The following VPS41 variants were observed in gnomAD, a reference collection of about 807,000 sequenced individuals.
The protein encoded by VPS41 is VPS41 subunit of HOPS complex.
Under a neutral mutation model 130.9 loss-of-function variants are expected in VPS41, and 85 were observed. The observed-to-expected ratio is 0.65, with a 90% CI of 0.55 to 0.78. The LOEUF is 0.78. Among genes scored for constraint, VPS41 ranks in the 30% least tolerant of loss-of-function variants. The pLI is 0.00. For synonymous variants in VPS41, 335 were observed against 332.9 expected, an observed-to-expected ratio of 1.01 and a Z score of -0.07; for missense variants, 874 against 1,018.7, an observed-to-expected ratio of 0.86 and a Z score of 1.93.
chr7:38,808,118 G>A (rs890421783), intron 7 of VPS41, among the ~76,000 whole-genome samples: 3 of 152,134 alleles, frequency 2.0e-5, no homozygotes, highest in Non-Finnish European at 2.9e-5. Flanking sequence ...GGAAAATGAA[G>A]TTGCTATGGA....
At chr7:38,832,211 T>A (rs1785399671) in intron 4 of VPS41, among the ~76,000 whole-genome samples, 1 of 152,022 alleles carries the variant, frequency 6.6e-6, no homozygotes, top group South Asian at 2.1e-4. Flanking sequence ...GTATGAGGTA[T>A]ATTTATCCAG....
intron 3 of VPS41, among the ~76,000 whole-genome samples, chr7:38,866,126 T>C (rs867073055): frequency 6.6e-6 from 1 of 151,816 alleles, no homozygotes; most frequent in Non-Finnish European, 1.5e-5. Context: ...GTGTTGTGAA[T>C]AGAAACAGCC....
intron 4 of VPS41, among the ~76,000 whole-genome samples, chr7:38,849,955 A>G (rs1785814972): frequency 6.6e-6 from 1 of 152,122 alleles, no homozygotes; most frequent in African/African-American, 2.4e-5. Flanking sequence ...AGCAAAATAC[A>G]ATTTTCCCTT....
intron 27 of VPS41, 84 bp from the exon 28 acceptor site, chr7:38,727,072 G>A (rs1795559831): frequency 2.3e-6 from 3 of 1,297,130 alleles, no homozygotes; most frequent in Non-Finnish European, 3.0e-6. Context: ...AAGTCGAGTT[G>A]CAGTTTAATT....
At chr7:38,896,201 A>G (rs1397865446) in intron 2 of VPS41, among the ~76,000 whole-genome samples, 1 of 152,224 alleles carries the variant, frequency 6.6e-6, no homozygotes, top group Non-Finnish European at 1.5e-5. Flanking sequence ...AAATTCCTCA[A>G]CAGAGTTCCA....
Position 38,869,250 on chromosome 7 carries a change from C to T in VPS41, c.64G>A (p.Glu22Lys). Residue 22 changes from glutamate (E) to lysine (K), a missense_variant, in exon 3 of 29, where the codon GAA becomes AAA. Physicochemically the swap from Glu to Lys is moderately conservative, Grantham distance 56 (BLOSUM62 1). Transcript: ENST00000310301. The part of the protein sequence containing the change: ...LEESTDESEE[E>K]ESEEEPKLKY... ...AGCTTGGGTTCCTCTTCGCTCTCTTCTTCCTGCACAAACGGCAAAGAAAAA... is the reference window on the plus strand; with the variant it reads ...AGCTTGGGTTCCTCTTCGCTCTCTTTTTCCTGCACAAACGGCAAAGAAAAA... 1 of 1,603,636 alleles carries T rather than the reference C, an allele frequency of 6.2e-7. No homozygotes were observed. The highest frequency in any genetic ancestry group is 8.5e-7 in the Non-Finnish European group (1 of 1,175,322).
intron 4 of VPS41, among the ~76,000 whole-genome samples, chr7:38,861,094 T>C (rs1786101270): frequency 6.6e-6 from 1 of 152,148 alleles, no homozygotes. Context: ...ATGTAGGATA[T>C]ACTCGACATA....
At chr7:38,892,346 G>C (rs1403117571) in intron 2 of VPS41, among the ~76,000 whole-genome samples, 2 of 152,140 alleles carry the variant, frequency 1.3e-5, no homozygotes, top group Non-Finnish European at 2.9e-5. Context: ...CTTGAAGTCT[G>C]TGTTTTTATC....
chr7:38,748,949 G>A (rs867373331), intron 22 of VPS41, among the ~76,000 whole-genome samples: 1 of 151,952 alleles, frequency 6.6e-6, no homozygotes, highest in Non-Finnish European at 1.5e-5. Context: ...CACTTTTGTA[G>A]AGATTAAATA....
At chr7:38,821,609 T>C (rs764275311) in intron 5 of VPS41, among the ~76,000 whole-genome samples, 6 of 146,456 alleles carry the variant, frequency 4.1e-5, no homozygotes, top group Non-Finnish European at 8.9e-5. Context: ...CTCAGGAGGA[T>C]GATAGGAGAA....
rs545334674 is a variant in VPS41 at position 38,890,966 on chromosome 7, C to T, written c.60+7125G>A. Among the ~76,000 whole-genome samples, 4 of 152,166 alleles carry T rather than the reference C, an allele frequency of 2.6e-5. No individual in the cohort carries two copies. In the South Asian group the frequency reaches 6.2e-4, roughly 24 times the overall value. ...CTCCCACCTCTGTGTTATTTCTTAA[C>T]TACATGTGAATATACGGTTATTTCA... On this transcript the variant is annotated intron_variant, in intron 2 of 28. Coordinates refer to ENST00000310301, the MANE Select transcript of VPS41 (RefSeq NM_014396.4).
At chr7:38,771,082 G>C (rs1784144357) in intron 14 of VPS41, 116 bp downstream of exon 14, 1 of 792,372 alleles carries the variant, frequency 1.3e-6, no homozygotes, top group Non-Finnish European at 2.0e-6. Context: ...TAGGGAATTA[G>C]TTTAAAATAA....
intron 2 of VPS41, among the ~76,000 whole-genome samples, chr7:38,871,175 G>A (rs10279990): frequency 0.26 from 39,139 of 152,060 alleles, 6,437 homozygotes; most frequent in Non-Finnish European, 0.38. Context: ...TCTGCAATAA[G>A]CAGGATAAAT....
intron 4 of VPS41, among the ~76,000 whole-genome samples, chr7:38,836,961 T>C (rs936109776): frequency 1.3e-4 from 20 of 152,324 alleles, no homozygotes; most frequent in Non-Finnish European, 2.8e-4. Context: ...AGATTACTAT[T>C]TCACAAAGGT....
intron 2 of VPS41, among the ~76,000 whole-genome samples, chr7:38,888,918 G>C (rs755127194): frequency 1.4e-5 from 2 of 140,522 alleles, no homozygotes; most frequent in Non-Finnish European, 3.1e-5. Context: ...ACCTGTTCCT[G>C]AATGACTACT....
At chr7:38,897,239 A>T (rs1787023442) in intron 2 of VPS41, among the ~76,000 whole-genome samples, 1 of 151,488 alleles carries the variant, frequency 6.6e-6, no homozygotes, top group Non-Finnish European at 1.5e-5. Context: ...AACATTTCTT[A>T]TGCAGACTTG....
rs1786140417 is a variant in VPS41 at position 38,862,573 on chromosome 7, T to C, written c.218A>G (p.Gln73Arg). The C allele has an allele frequency of 6.2e-6, 10 of 1,609,434 alleles. No individual in the cohort carries two copies. The highest frequency in any genetic ancestry group is 8.5e-6 in the Non-Finnish European group (10 of 1,177,206). The change falls in exon 4 of 29, where the codon CAG (glutamine) becomes CGG (arginine). Residue 73 changes from glutamine (Q) to arginine (R), a missense_variant. Coordinates refer to ENST00000310301, the MANE Select transcript of VPS41 (RefSeq NM_014396.4). The stretch of plus-strand genomic sequence containing the variant: ...ATCAAACTTCTGAGTGATGTTCCCC[T>C]GGACATCAAGTAAATAAACCTTGCC... ...HYGKVYLLDV[Q>R]GNITQKFDVS...
intron 4 of VPS41, among the ~76,000 whole-genome samples, chr7:38,855,874 T>C (rs1785970818): frequency 6.6e-6 from 1 of 152,240 alleles, no homozygotes; most frequent in Non-Finnish European, 1.5e-5. Context: ...GATTTAAGAC[T>C]CTGATCTTAT....
rs12056240 is a variant in VPS41 at position 38,869,328 on chromosome 7, C to T, written c.61-75G>A. 3.3e-3 allele frequency: 3,253 copies of T among 979,496 alleles called. 120 individuals are homozygous for T. In the East Asian group the frequency reaches 0.068, roughly 21 times the overall value. The allele number at this position is 979,496 out of a possible 1,614,324, so 60.7% of individuals were successfully genotyped here. A position where few individuals can be genotyped will look rare whatever the true frequency, so the allele number is the denominator to read the frequency against. On this transcript the variant is annotated intron_variant, in intron 2 of 28. Transcript: ENST00000310301. ...TGAAAACCTCAAAACACACTTCTTA[C>T]GAGAGAACCAGAGATGGTTCCTTCA...
Sources: allele counts gnomAD v4.1 joint callset (sites outside exome capture counted in the v4.1 genomes callset), GRCh38; gene constraint gnomAD v4.1.1; transcripts MANE v1.5; gene names NCBI Gene and HGNC (gene_info 2026-07-23, HGNC 2026-07-21).